Variants in ASIC2 observed in about 807,000 individuals in gnomAD.
The protein encoded by ASIC2 is acid sensing ion channel subunit 2.
A neutral mutation model predicts 57.3 loss-of-function variants in ASIC2; 25 were observed. The observed-to-expected ratio is 0.44, with a 90% CI of 0.32 to 0.61. ASIC2 has a LOEUF of 0.61. Among genes scored for constraint, ASIC2 ranks in the 20% least tolerant of loss-of-function variants. The pLI, the probability that ASIC2 is intolerant of heterozygous loss-of-function variation, is 0.06. For missense variants in ASIC2, 641 were observed against 738.1 expected (o/e 0.87, Z 1.52); for synonymous variants, 319 against 307.5 (o/e 1.04, Z -0.39).
chr17:34,089,656 C>A (rs894194752), intron 1 of ASIC2, among the ~76,000 whole-genome samples: 4 of 152,174 alleles, frequency 2.6e-5, no homozygotes, highest in Admixed American at 2.6e-4. Context: ...CCCCAGGTCC[C>A]CAGGTCACCT....
chr17:33,909,445 G>A (rs1380356348), intron 1 of ASIC2, among the ~76,000 whole-genome samples: 1 of 152,238 alleles, frequency 6.6e-6, no homozygotes, highest in Non-Finnish European at 1.5e-5. Flanking sequence ...GGGTGAAGGT[G>A]TTTTAATAAG....
intron 1 of ASIC2, among the ~76,000 whole-genome samples, chr17:33,923,256 T>C (rs1915748248): frequency 6.6e-6 from 1 of 152,220 alleles, no homozygotes; most frequent in South Asian, 2.1e-4. Flanking sequence ...TCAGGGCTCC[T>C]GGCAGATGAC....
At chr17:33,603,060 C>T (rs1905147054) in intron 1 of ASIC2, among the ~76,000 whole-genome samples, 1 of 152,222 alleles carries the variant, frequency 6.6e-6, no homozygotes, top group African/African-American at 2.4e-5. Flanking sequence ...CTGCATTTCC[C>T]CACCACCTCC....
intron 1 of ASIC2, among the ~76,000 whole-genome samples, chr17:33,176,392 T>A (rs759852730): frequency 2.0e-5 from 3 of 152,212 alleles, no homozygotes; most frequent in Non-Finnish European, 4.4e-5. Context: ...TTGACCAGGC[T>A]GGAGTACAGT....
intron 9 of ASIC2, 34 bp from the exon 10 acceptor site, chr17:33,014,100 C>T (rs376084583): frequency 5.4e-5 from 82 of 1,523,880 alleles, no homozygotes; most frequent in South Asian, 3.5e-4. Context: ...GTTTATTATT[C>T]GCTCAGCAAA....
At chr17:33,070,420 T>G (rs1598262363) in intron 3 of ASIC2, among the ~76,000 whole-genome samples, 1 of 150,980 alleles carries the variant, frequency 6.6e-6, no homozygotes, top group South Asian at 2.1e-4. Flanking sequence ...TCACTGCAAC[T>G]TCTGCCTCCC....
intron 1 of ASIC2, chr17:34,070,914 A>G (rs1453360763): frequency 1.3e-5 from 2 of 152,228 alleles, no homozygotes; most frequent in East Asian, 3.9e-4. Flanking sequence ...CACTCTTACA[A>G]AGCTGATGAT....
chr17:33,853,999 C>T (rs991674), intron 1 of ASIC2, among the ~76,000 whole-genome samples: 8,163 of 152,200 alleles, frequency 0.054, 236 homozygotes, highest in Non-Finnish European at 0.061. Flanking sequence ...ATTTGCCCAT[C>T]GAAGTTAAAA....
At chr17:33,731,606 C>G (rs540296180) in intron 1 of ASIC2, among the ~76,000 whole-genome samples, 7 of 152,298 alleles carry the variant, frequency 4.6e-5, no homozygotes, top group Admixed American at 6.5e-5. Context: ...GGAGTCTATA[C>G]AGTGGTAAAT....
At chr17:33,354,206 A>G (rs1908291650) in intron 1 of ASIC2, among the ~76,000 whole-genome samples, 1 of 152,140 alleles carries the variant, frequency 6.6e-6, no homozygotes, top group African/African-American at 2.4e-5. Context: ...ACAATTCAAG[A>G]TGACATTTGG....
chr17:33,249,403 A>G (rs967914502), intron 1 of ASIC2, among the ~76,000 whole-genome samples: 10 of 152,174 alleles, frequency 6.6e-5, no homozygotes. Flanking sequence ...TGGAGACAGT[A>G]CTTACAGCCA....
At position 33,472,080 on chromosome 17, in the gene ASIC2, C is replaced by T. The variant is rs527554006; in HGVS notation, c.556-360013G>A. On this transcript the variant is annotated intron_variant, in intron 1 of 9. Transcript: ENST00000359872. ...TGTCATCCAGGCTGGAGTGCAATGG[C>T]GTGATCTTGGCTCACTGCAACCTCC... Among the ~76,000 whole-genome samples the T allele has an allele frequency of 5.4e-5, 8 of 148,558 alleles. No individual in the cohort carries two copies. In the East Asian group the frequency reaches 1.2e-3, roughly 22 times the overall value.
At chr17:33,683,352 C>T (rs1908070254) in intron 1 of ASIC2, among the ~76,000 whole-genome samples, 1 of 152,186 alleles carries the variant, frequency 6.6e-6, no homozygotes, top group Non-Finnish European at 1.5e-5. Context: ...AGGTGTGAGC[C>T]ACCGCACCTT....
At chr17:33,468,193 A>G (rs1196412446) in intron 1 of ASIC2, among the ~76,000 whole-genome samples, 1 of 152,236 alleles carries the variant, frequency 6.6e-6, no homozygotes, top group African/African-American at 2.4e-5. Context: ...TCCACTCCCC[A>G]GCCACGATGG....
chr17:34,042,007 G>C (rs956114813), intron 1 of ASIC2, among the ~76,000 whole-genome samples: 1 of 152,158 alleles, frequency 6.6e-6, no homozygotes, highest in Non-Finnish European at 1.5e-5. Flanking sequence ...TCTCATTAGA[G>C]AATTGTAGGA....
chr17:33,046,733 G>A (rs1223972338), intron 3 of ASIC2, among the ~76,000 whole-genome samples: 1 of 152,196 alleles, frequency 6.6e-6, no homozygotes, highest in Non-Finnish European at 1.5e-5. Flanking sequence ...CCCTGCATGG[G>A]TGGCAACATG....
intron 1 of ASIC2, among the ~76,000 whole-genome samples, chr17:33,496,250 A>C (rs1913926766): frequency 6.6e-6 from 1 of 152,156 alleles, no homozygotes; most frequent in African/African-American, 2.4e-5. Context: ...AAAGGATGGC[A>C]AAAGTCTGCT....
chr17:33,578,676 C>A (rs997321633), intron 1 of ASIC2, among the ~76,000 whole-genome samples: 6 of 152,078 alleles, frequency 3.9e-5, no homozygotes, highest in East Asian at 1.9e-4. Flanking sequence ...TTCACTCCCC[C>A]CTCCTCTTCC....
chr17:34,007,960 T>A (rs1284210289), intron 1 of ASIC2, among the ~76,000 whole-genome samples: 1 of 152,176 alleles, frequency 6.6e-6, no homozygotes, highest in Non-Finnish European at 1.5e-5. Flanking sequence ...AACATACTCC[T>A]TGGTTCATTT....
Sources: allele counts gnomAD v4.1 joint callset (sites outside exome capture counted in the v4.1 genomes callset), GRCh38; gene constraint gnomAD v4.1.1; transcripts MANE v1.5; gene names NCBI Gene and HGNC (gene_info 2026-07-23, HGNC 2026-07-21).